DYNC2I2: variants seen among roughly 807,000 people sequenced by gnomAD.
The protein encoded by DYNC2I2 is dynein 2 intermediate chain 2.
DYNC2I2 carries 39 observed loss-of-function variants against 52.0 expected under a neutral mutation model. The ratio of observed to expected loss-of-function variants is 0.75; its 90% CI spans 0.58 to 0.98. DYNC2I2 has a LOEUF of 0.98. Ranked by LOEUF, DYNC2I2 falls within the 50% of genes least tolerant of loss-of-function variation. The probability of loss-of-function intolerance (pLI) is 0.00; values close to 1 mark genes in which losing one functional copy is unlikely to be tolerated. For missense variants in DYNC2I2, 743 were observed against 728.4 expected (o/e 1.02, Z -0.23); for synonymous variants, 359 against 321.1 (o/e 1.12, Z -1.26).
At chr9:128,661,912 G>A in the DYNC2I2 span, among the ~76,000 whole-genome samples, 1 of 151,834 alleles carries the variant, frequency 6.6e-6, no homozygotes, top group Non-Finnish European at 1.5e-5. Flanking sequence ...CGTGGTGGCA[G>A]GCGCCTGTAA....
Position 128,633,771 on chromosome 9 carries a change from G to T in DYNC2I2, c.1584C>A (p.Asp528Glu), listed in dbSNP as rs1396061000. The change falls in exon 9 of 9, where the codon GAC becomes GAA. Residue 528 changes from aspartate (D) to glutamate (E), a missense_variant. Physicochemically the swap from Asp to Glu is conservative, Grantham distance 45. Coordinates refer to ENST00000372715, the MANE Select transcript of DYNC2I2 (RefSeq NM_052844.4). ...EQGPREAEDL[D>E]CLAAEVAA is the part of the protein sequence containing the mutation. ...AGGCCGCCACCTCTGCTGCCAGGCA[G>T]TCCAGGTCCTCAGCTTCCCGGGGCC... is the stretch of plus-strand genomic sequence containing the variant. 1.9e-6 allele frequency: 3 copies of T among 1,613,408 alleles called. No homozygotes were observed. Among genetic ancestry groups the T allele is most frequent in the Middle Eastern group, 1.7e-4 (1 of 6,054 alleles).
intron 1 of DYNC2I2, among the ~76,000 whole-genome samples, chr9:128,642,664 G>A (rs1032418464): frequency 2.7e-5 from 4 of 150,926 alleles, no homozygotes; most frequent in African/African-American, 9.8e-5. Flanking sequence ...CCAGCTACTC[G>A]GGAAGGCGTG....
chr9:128,633,964 T>TCCCAGAAACCCA lies in DYNC2I2; in HGVS notation c.1390_1391insTGGGTTTCTGGG (p.Phe463_Asp464insValGlyPheTrp). 1.2e-6 allele frequency: 2 copies of TCCCAGAAACCCA among 1,612,912 alleles called. No individual in the cohort carries two copies. The highest frequency in any genetic ancestry group is 1.7e-6 in the Non-Finnish European group (2 of 1,180,012). On this transcript the variant is annotated inframe_insertion, in exon 9 of 9. Transcript: ENST00000372715. ...GGGTTTCTGGGAGCTTTTCTGGAGA[T>TCCCAGAAACCCA]CAAACAGCTGCACGTCACCTGCAAA...
intron 7 of DYNC2I2, 30 bp from the exon 8 acceptor site, chr9:128,634,413 G>T: frequency 1.3e-6 from 2 of 1,554,778 alleles, no homozygotes; most frequent in East Asian, 2.2e-5. Flanking sequence ...CCAGGCAAGG[G>T]AATCAGTGCT....
Position 128,636,999 on chromosome 9 carries a change from G to T in DYNC2I2, c.464C>A (p.Pro155Gln). The T allele has an allele frequency of 6.2e-7, 1 of 1,613,300 alleles. No homozygotes were observed. ...ATGCAGACCCTGCGCTTGGGCTGGC[G>T]GGTAGCCCAGGGTATACAGACAAGA... is the stretch of plus-strand genomic sequence containing the variant. ...MVSCLYTLGY[P>Q]PAQAQGLHVT... The change falls in exon 3 of 9, where the codon CCG becomes CAG. Residue 155 changes from proline to glutamine, a missense_variant. Coordinates refer to ENST00000372715, the MANE Select transcript of DYNC2I2 (RefSeq NM_052844.4).
At chr9:128,653,492 A>G (rs1419587777) in intron 1 of DYNC2I2, among the ~76,000 whole-genome samples, 1 of 150,970 alleles carries the variant, frequency 6.6e-6, no homozygotes, top group Non-Finnish European at 1.5e-5. Flanking sequence ...AGGCAGGCGG[A>G]TCACGAGGTC....
chr9:128,642,196 A>T (rs1440432660), intron 1 of DYNC2I2, among the ~76,000 whole-genome samples: 1 of 150,414 alleles, frequency 6.6e-6, no homozygotes, highest in Admixed American at 6.7e-5. Flanking sequence ...CTGAGGCAGG[A>T]GAATGGCGTG....
intron 1 of DYNC2I2, among the ~76,000 whole-genome samples, chr9:128,645,000 G>C (rs1360117401): frequency 6.6e-6 from 1 of 152,140 alleles, no homozygotes; most frequent in Non-Finnish European, 1.5e-5. Flanking sequence ...ACCAGCTGTT[G>C]CCTGTCTCTC....
chr9:128,672,217 G>A, the DYNC2I2 span, among the ~76,000 whole-genome samples: 3 of 151,580 alleles, frequency 2.0e-5, no homozygotes, highest in Admixed American at 1.3e-4. Context: ...TGATCCGCCC[G>A]TCTCGGCCTC....
intron 2 of DYNC2I2, among the ~76,000 whole-genome samples, chr9:128,637,669 C>T (rs1271522223): frequency 6.6e-6 from 1 of 152,172 alleles, no homozygotes; most frequent in Non-Finnish European, 1.5e-5. Flanking sequence ...TCTCGAACTC[C>T]TGACCTCAGG....
At chr9:128,665,497 C>T in the DYNC2I2 span, among the ~76,000 whole-genome samples, 1 of 151,966 alleles carries the variant, frequency 6.6e-6, no homozygotes, top group Non-Finnish European at 1.5e-5. Flanking sequence ...GGACCAGGCG[C>T]GGTGGTTCAC....
intron 1 of DYNC2I2, among the ~76,000 whole-genome samples, chr9:128,647,151 CAAT>C (rs952296343): frequency 2.0e-5 from 3 of 152,102 alleles, no homozygotes; most frequent in African/African-American, 4.8e-5. Context: ...AAACAAAAAA[CAAT>C]AATATGGCAC....
chr9:128,677,957 A>G, the DYNC2I2 span, among the ~76,000 whole-genome samples: 165 of 152,268 alleles, frequency 1.1e-3, no homozygotes, highest in African/African-American at 3.8e-3. Context: ...TGTTAGAGGT[A>G]TACTGGCAAA....
chr9:128,676,007 A>G, the DYNC2I2 span, among the ~76,000 whole-genome samples: 3 of 152,078 alleles, frequency 2.0e-5, no homozygotes, highest in Non-Finnish European at 4.4e-5. Flanking sequence ...GTCTCTACAA[A>G]AAATACAAAA....
At chr9:128,653,928 G>A (rs563090517) in intron 1 of DYNC2I2, among the ~76,000 whole-genome samples, 1 of 151,998 alleles carries the variant, frequency 6.6e-6, no homozygotes, top group African/African-American at 2.4e-5. Context: ...GGAGAATGGC[G>A]TGAACCCAGG....
chr9:128,678,840 C>T, the DYNC2I2 span, among the ~76,000 whole-genome samples: 2 of 151,574 alleles, frequency 1.3e-5, no homozygotes, highest in African/African-American at 4.8e-5. Context: ...GAGGTCGAGG[C>T]GAGCAGATCA....
chr9:128,667,654 C>A, the DYNC2I2 span, among the ~76,000 whole-genome samples: 2 of 151,870 alleles, frequency 1.3e-5, no homozygotes, highest in Non-Finnish European at 2.9e-5. Context: ...ACTGCAACCT[C>A]CACCTCCCTG....
rs781641385 is a variant in DYNC2I2, at chr9:128,656,699, G to C, written c.28C>G (p.Leu10Val). 6.8e-7 allele frequency: 1 copy of C among 1,469,916 alleles called. No individual in the cohort carries two copies. Among genetic ancestry groups the C allele is most frequent in the Non-Finnish European group, 8.9e-7 (1 of 1,122,314 alleles). The allele number at this position is 1,469,916 out of a possible 1,614,324, so 91.1% of individuals were successfully genotyped here. A position where few individuals can be genotyped will look rare whatever the true frequency, so the allele number is the denominator to read the frequency against. The change falls in exon 1 of 9, where the codon CTC becomes GTC. Residue 10 changes from leucine to valine, a missense_variant. Leu to Val is a conservative substitution (Grantham distance 32, BLOSUM62 1). Coordinates refer to ENST00000372715, the MANE Select transcript of DYNC2I2 (RefSeq NM_052844.4). MATRAQPGP[L>V]SQAGSAGVAA... ...ACACCAGCGCTTCCCGCCTGGCTGA[G>C]TGGCCCCGGCTGCGCGCGGGTTGCC...
chr9:128,683,848 G>A, the DYNC2I2 span: 14 of 1,481,460 alleles, frequency 9.5e-6, no homozygotes, highest in Non-Finnish European at 1.3e-5. Flanking sequence ...GCCTGCTTCC[G>A]GACGGGCGAG....
Sources: gnomAD v4.1 joint callset for allele counts (sites outside exome capture counted in the v4.1 genomes callset) on GRCh38, gnomAD v4.1.1 for gene constraint, MANE v1.5 for transcripts, NCBI Gene and HGNC (gene_info 2026-07-23, HGNC 2026-07-21) for gene names.